The following KLF12 variants were observed in gnomAD, a reference collection of about 807,000 sequenced individuals.
KLF12 encodes KLF transcription factor 12.
KLF12 carries 9 observed loss-of-function variants against 37.8 expected under a neutral mutation model. The ratio of observed to expected loss-of-function variants is 0.24; its 90% CI spans 0.14 to 0.42. The LOEUF (loss-of-function observed/expected upper bound fraction) is 0.42, where lower values mean the gene tolerates loss of function less well. KLF12 is among the 10% of genes least tolerant of loss of function. KLF12 has a pLI of 1.00. For missense variants in KLF12, 411 were observed against 516.0 expected, an observed-to-expected ratio of 0.80 and a Z score of 1.97; for synonymous variants, 208 against 202.1, an observed-to-expected ratio of 1.03 and a Z score of -0.25.
chr13:73,698,021 G>A (rs376279240), intron 7 of KLF12, among the ~76,000 whole-genome samples: 48 of 152,076 alleles, frequency 3.2e-4, no homozygotes, highest in African/African-American at 1.1e-3. Context: ...GCCAGGTGCA[G>A]TGGCATGCAC....
intron 5 of KLF12, among the ~76,000 whole-genome samples, chr13:73,771,805 T>G (rs772663857): frequency 2.0e-5 from 3 of 152,194 alleles, no homozygotes; most frequent in Non-Finnish European, 4.4e-5. Flanking sequence ...ATTCAAACTG[T>G]GAAATACCAG....
At chr13:74,270,046 T>C in the KLF12 span, among the ~76,000 whole-genome samples, 10 of 152,200 alleles carry the variant, frequency 6.6e-5, no homozygotes, top group African/African-American at 2.4e-4. Flanking sequence ...GTAATCCTGG[T>C]TCCTACTAAT....
intron 3 of KLF12, among the ~76,000 whole-genome samples, chr13:73,915,235 C>T (rs1888759411): frequency 6.6e-6 from 1 of 152,204 alleles, no homozygotes; most frequent in Admixed American, 6.5e-5. Flanking sequence ...TCACTTAGGG[C>T]CCGCCCAGAT....
At chr13:74,088,896 T>C (rs988800644) in intron 1 of KLF12, among the ~76,000 whole-genome samples, 1 of 152,194 alleles carries the variant, frequency 6.6e-6, no homozygotes, top group African/African-American at 2.4e-5. Flanking sequence ...CTTGTATGCA[T>C]AACAGGATGT....
the KLF12 span, among the ~76,000 whole-genome samples, chr13:74,153,588 T>C: frequency 6.6e-6 from 1 of 152,204 alleles, no homozygotes; most frequent in Admixed American, 6.5e-5. Flanking sequence ...CAAACCCTCA[T>C]TGGCTTTTAC....
At chr13:74,247,759 A>G in the KLF12 span, among the ~76,000 whole-genome samples, 6 of 152,330 alleles carry the variant, frequency 3.9e-5, no homozygotes, top group Non-Finnish European at 8.8e-5. Flanking sequence ...GGCATGAGCC[A>G]TTGCCTCCAG....
intron 6 of KLF12, among the ~76,000 whole-genome samples, chr13:73,738,104 T>TGCACACAC (rs1877619282): frequency 1.9e-5 from 2 of 103,580 alleles, no homozygotes; most frequent in African/African-American, 4.3e-5. Flanking sequence ...TATATATATA[T>TGCACACAC]ATATATATAT....
intron 3 of KLF12, among the ~76,000 whole-genome samples, chr13:73,914,943 C>T (rs987923521): frequency 6.6e-5 from 10 of 152,102 alleles, no homozygotes; most frequent in Non-Finnish European, 1.5e-4. Context: ...CAAATTACCA[C>T]AAATGGAATG....
chr13:73,824,345 G>A (rs928040321), intron 4 of KLF12, among the ~76,000 whole-genome samples: 38 of 152,090 alleles, frequency 2.5e-4, no homozygotes, highest in Non-Finnish European at 2.9e-5. Flanking sequence ...AAATATAAGC[G>A]CTATATAACA....
intron 3 of KLF12, among the ~76,000 whole-genome samples, chr13:73,928,141 C>A (rs1384860344): frequency 6.6e-6 from 1 of 152,216 alleles, no homozygotes; most frequent in Non-Finnish European, 1.5e-5. Context: ...CAGGCGTGAG[C>A]CACCACACCT....
chr13:73,984,442 G>A (rs1301013405), intron 2 of KLF12, among the ~76,000 whole-genome samples: 1 of 152,162 alleles, frequency 6.6e-6, no homozygotes, highest in African/African-American at 2.4e-5. Context: ...AGGGAAGGGT[G>A]CCAGCTTCTC....
At chr13:74,280,721 T>C in the KLF12 span, among the ~76,000 whole-genome samples, 1 of 152,130 alleles carries the variant, frequency 6.6e-6, no homozygotes, top group African/African-American at 2.4e-5. Flanking sequence ...CCTGTGAAAA[T>C]CATAGCAAAT....
At chr13:74,021,849 T>C (rs142862175) in intron 1 of KLF12, among the ~76,000 whole-genome samples, 32 of 152,318 alleles carry the variant, frequency 2.1e-4, no homozygotes, top group South Asian at 2.1e-4. Context: ...GAACTTCGGA[T>C]AGCAATGACT....
the KLF12 span, among the ~76,000 whole-genome samples, chr13:74,298,048 T>C: frequency 6.6e-6 from 1 of 152,170 alleles, no homozygotes; most frequent in Non-Finnish European, 1.5e-5. Flanking sequence ...CAATCGCCTG[T>C]ACGGTGTGGT....
At chr13:73,957,996 G>A (rs866147417) in intron 2 of KLF12, among the ~76,000 whole-genome samples, 3 of 152,174 alleles carry the variant, frequency 2.0e-5, no homozygotes, top group Admixed American at 2.0e-4. Flanking sequence ...ATGCAGAAAA[G>A]CAAACCACAA....
chr13:74,073,185 T>A (rs961333193), intron 1 of KLF12, among the ~76,000 whole-genome samples: 5 of 152,216 alleles, frequency 3.3e-5, no homozygotes, highest in Admixed American at 3.3e-4. Context: ...TCTTTACAGA[T>A]TACCAAGTCT....
intron 2 of KLF12, among the ~76,000 whole-genome samples, chr13:73,984,980 AATCACATGGC>A (rs1342635273): frequency 6.6e-6 from 1 of 152,088 alleles, no homozygotes; most frequent in Non-Finnish European, 1.5e-5. Context: ...ATATGGGGGA[AATCACATGGC>A]ATCACTTCCA....
intron 1 of KLF12, among the ~76,000 whole-genome samples, chr13:73,996,174 A>T: frequency 6.6e-6 from 1 of 152,220 alleles, no homozygotes; most frequent in East Asian, 1.9e-4. Context: ...TGCTATAACA[A>T]TGTCTCAAAA....
At chr13:73,903,150 C>T (rs892740064) in intron 3 of KLF12, among the ~76,000 whole-genome samples, 3 of 152,142 alleles carry the variant, frequency 2.0e-5, no homozygotes, top group Non-Finnish European at 4.4e-5. Context: ...CAAAAGATAT[C>T]TTCTCACTTG....
Sources: gnomAD v4.1 joint callset for allele counts (sites outside exome capture counted in the v4.1 genomes callset) on GRCh38, gnomAD v4.1.1 for gene constraint, MANE v1.5 for transcripts, NCBI Gene and HGNC (gene_info 2026-07-23, HGNC 2026-07-21) for gene names.